DPP10: variants seen among roughly 807,000 people sequenced by gnomAD.
DPP10 encodes the protein inactive dipeptidyl peptidase 10.
Under a neutral mutation model 120.9 loss-of-function variants are expected in DPP10, and 33 were observed. The observed-to-expected ratio is 0.27, with a 90% CI of 0.21 to 0.37. The LOEUF (loss-of-function observed/expected upper bound fraction) is 0.37. Among genes scored for constraint, DPP10 ranks in the 10% least tolerant of loss-of-function variants. The probability of loss-of-function intolerance (pLI) is 1.00; values close to 1 mark genes in which losing one functional copy is unlikely to be tolerated. For synonymous variants in DPP10, 337 were observed against 326.1 expected (o/e 1.03, Z -0.36); for missense variants, 816 against 942.8 (o/e 0.87, Z 1.76).
At chr2:115,042,557 C>A (rs1332102101) in intron 1 of DPP10, among the ~76,000 whole-genome samples, 1 of 152,240 alleles carries the variant, frequency 6.6e-6, no homozygotes, top group African/African-American at 2.4e-5. Flanking sequence ...TGAGCCACCA[C>A]ACTTGGCCTA....
intron 1 of DPP10, among the ~76,000 whole-genome samples, chr2:115,014,347 GT>G (rs1702480555): frequency 1.3e-5 from 2 of 152,282 alleles, no homozygotes; most frequent in East Asian, 3.9e-4. Flanking sequence ...CTAAAACATA[GT>G]TTAGAGGGAA....
chr2:114,729,604 A>G (rs1298055805), intron 1 of DPP10, among the ~76,000 whole-genome samples: 1 of 152,210 alleles, frequency 6.6e-6, no homozygotes, highest in Non-Finnish European at 1.5e-5. Flanking sequence ...CTAGTTTTCC[A>G]GCCTCCCCTC....
At chr2:115,587,083 CTCTT>C (rs1226234526) in intron 5 of DPP10, among the ~76,000 whole-genome samples, 2 of 125,944 alleles carry the variant, frequency 1.6e-5, no homozygotes, top group Non-Finnish European at 3.2e-5. Context: ...TCTTTTTTTT[CTCTT>C]TCTTTTTTTT....
chr2:114,524,876 A>T (rs1685366203), intron 1 of DPP10, among the ~76,000 whole-genome samples: 1 of 152,160 alleles, frequency 6.6e-6, no homozygotes, highest in South Asian at 2.1e-4. Context: ...CATGAATCTA[A>T]ATTTCATTGA....
At chr2:115,067,918 GGTGTGTGGGGGT>G (rs1179839059) in intron 1 of DPP10, among the ~76,000 whole-genome samples, 7 of 144,192 alleles carry the variant, frequency 4.9e-5, no homozygotes, top group African/African-American at 8.1e-5. Context: ...GGTGTGTGGG[GGTGTGTGGGGGT>G]GTGTGTTTTT....
chr2:115,836,703 C>G lies in DPP10; in HGVS notation c.2139C>G (p.Gly713=), dbSNP rs138029087. The G allele has an allele frequency of 2.5e-6, 4 of 1,613,182 alleles. No homozygotes were observed. Among genetic ancestry groups the G allele is most frequent in the Non-Finnish European group, 3.4e-6 (4 of 1,179,692 alleles). ...QAASVLHNVH[G]LKEENILIIH... ...CCAGTGTGCTACATAATGTTCATGG[C>G]TTGAAAGAAGAAAATATATTAATAA... is the stretch of plus-strand genomic sequence containing the variant. Residue 713 remains glycine (G), a synonymous_variant, in exon 24 of 26, where the codon GGC becomes GGG. Transcript: ENST00000410059.
At chr2:114,888,295 G>A (rs1032463142) in intron 1 of DPP10, among the ~76,000 whole-genome samples, 4 of 152,118 alleles carry the variant, frequency 2.6e-5, no homozygotes, top group African/African-American at 9.7e-5. Context: ...CACCAAATGT[G>A]TTGATTAACT....
intron 1 of DPP10, among the ~76,000 whole-genome samples, chr2:114,690,683 A>G (rs929588486): frequency 2.0e-5 from 3 of 152,036 alleles, no homozygotes; most frequent in African/African-American, 7.2e-5. Context: ...TAGTATGTCC[A>G]TTTTCACAGT....
At chr2:115,024,653 A>C (rs1041718290) in intron 1 of DPP10, among the ~76,000 whole-genome samples, 1 of 149,800 alleles carries the variant, frequency 6.7e-6, no homozygotes, top group Non-Finnish European at 1.5e-5. Flanking sequence ...ATACACACAT[A>C]TAACCTTAAA....
chr2:115,144,013 A>T (rs2051074667), intron 1 of DPP10: 1 of 152,186 alleles, frequency 6.6e-6, no homozygotes. Flanking sequence ...TGAGACCTAT[A>T]TCGGATAATC....
chr2:115,564,440 T>C (rs1323301945), intron 5 of DPP10, among the ~76,000 whole-genome samples: 2 of 152,148 alleles, frequency 1.3e-5, no homozygotes, highest in Non-Finnish European at 2.9e-5. Flanking sequence ...GCCATGTTGT[T>C]TATGTTAATT....
Position 114,771,485 on chromosome 2 carries a change from T to C in DPP10, c.60+328647T>C, listed in dbSNP as rs1574149428. On this transcript the variant is annotated intron_variant, in intron 1 of 25. Coordinates refer to ENST00000410059, the MANE Select transcript of DPP10 (RefSeq NM_020868.6). Reference sequence around the variant, plus strand: ...CTGAGGGAGTCCATCCTTGTAAGAATAAGAAACTTGACTAAGCAAAGTTAG... The same window carrying C: ...CTGAGGGAGTCCATCCTTGTAAGAACAAGAAACTTGACTAAGCAAAGTTAG... 3.3e-5 allele frequency among the ~76,000 whole-genome samples: 5 copies of C among 152,306 alleles called. No individual in the cohort carries two copies. The South Asian group carries it at 8.3e-4, about 25-fold the overall frequency.
At chr2:115,188,046 G>GGA (rs1233605357) in intron 1 of DPP10, among the ~76,000 whole-genome samples, 10 of 137,812 alleles carry the variant, frequency 7.3e-5, no homozygotes, top group African/African-American at 2.3e-4. Context: ...AGAGAGAGAG[G>GGA]GAGAGAGAGA....
rs1689546495 is a variant in DPP10 at position 115,836,520 on chromosome 2, T to C, written c.2064T>C (p.Ser688=). The C allele has an allele frequency of 6.2e-7, 1 of 1,613,512 alleles. No individual in the cohort carries two copies. Among genetic ancestry groups the C allele is most frequent in the South Asian group, 1.1e-5 (1 of 90,930 alleles). The change falls in exon 23 of 26, where the codon TCT becomes TCC. Residue 688 remains serine (S), a synonymous_variant. Coordinates refer to ENST00000410059, the MANE Select transcript of DPP10 (RefSeq NM_020868.6). The stretch of plus-strand genomic sequence containing the variant: ...CTTGGGTCACAGCCTCAGCTTTCTC[T>C]GAAAGATACCTTGGGATGCCATCTA... ...TDLKLYASAF[S]ERYLGMPSKE...
intron 1 of DPP10, among the ~76,000 whole-genome samples, chr2:115,288,189 T>A (rs2060482438): frequency 6.6e-6 from 1 of 152,140 alleles, no homozygotes; most frequent in Non-Finnish European, 1.5e-5. Context: ...TTACTGTTTT[T>A]TAATTTAAAT....
chr2:115,652,440 T>TGTGTGTG (rs1244473603), intron 5 of DPP10, among the ~76,000 whole-genome samples: 3 of 151,656 alleles, frequency 2.0e-5, no homozygotes, highest in African/African-American at 7.3e-5. Context: ...TGTGTGTGTG[T>TGTGTGTG]GTATTCCTTT....
chr2:114,530,478 A>T (rs1347499272), intron 1 of DPP10, among the ~76,000 whole-genome samples: 1 of 152,172 alleles, frequency 6.6e-6, no homozygotes. Flanking sequence ...AACTGACTTG[A>T]GGAGTTTGGG....
chr2:114,960,904 G>T (rs774312451), intron 1 of DPP10, among the ~76,000 whole-genome samples: 36 of 151,850 alleles, frequency 2.4e-4, no homozygotes, highest in Non-Finnish European at 3.2e-4. Flanking sequence ...TATAACAATG[G>T]TTGATATTCT....
chr2:115,596,663 A>G (rs1026539788), intron 5 of DPP10, among the ~76,000 whole-genome samples: 4 of 152,182 alleles, frequency 2.6e-5, no homozygotes, highest in African/African-American at 9.6e-5. Flanking sequence ...GAAAATTTAT[A>G]TCTTAGAGTA....
Sources: allele counts gnomAD v4.1 joint callset (sites outside exome capture counted in the v4.1 genomes callset), GRCh38; gene constraint gnomAD v4.1.1; transcripts MANE v1.5; gene names NCBI Gene and HGNC (gene_info 2026-07-23, HGNC 2026-07-21).